The following INTS4 variants were observed in gnomAD, a reference collection of about 807,000 sequenced individuals.
INTS4 encodes the protein integrator complex subunit 4, also known as MSTP093.
Under a neutral mutation model 119.5 loss-of-function variants are expected in INTS4, and 70 were observed. The observed-to-expected ratio is 0.59, with a 90% CI of 0.48 to 0.71. The LOEUF (loss-of-function observed/expected upper bound fraction) is 0.71, where lower values mean the gene tolerates loss of function less well. Among genes scored for constraint, INTS4 ranks in the 30% least tolerant of loss-of-function variants. The pLI, the probability that INTS4 is intolerant of heterozygous loss-of-function variation, is 0.00. For synonymous variants in INTS4, 316 were observed against 419.6 expected, an observed-to-expected ratio of 0.75 and a Z score of 3.02; for missense variants, 867 against 1,173.2, an observed-to-expected ratio of 0.74 and a Z score of 3.81.
intron 4 of INTS4, among the ~76,000 whole-genome samples, chr11:77,966,945 T>G (rs887202076): frequency 2.0e-5 from 3 of 152,220 alleles, no homozygotes; most frequent in Non-Finnish European, 4.4e-5. Context: ...CCACAATGGC[T>G]GCACTATTTT....
intron 6 of INTS4, among the ~76,000 whole-genome samples, chr11:77,960,047 T>G (rs945116346): frequency 6.6e-6 from 1 of 152,152 alleles, no homozygotes; most frequent in Non-Finnish European, 1.5e-5. Context: ...TCAGAAAGAC[T>G]AACACGTTCC....
intron 1 of INTS4, among the ~76,000 whole-genome samples, chr11:77,992,549 A>G (rs185076054): frequency 3.3e-5 from 5 of 152,078 alleles, no homozygotes; most frequent in African/African-American, 1.2e-4. Flanking sequence ...AAAAAATAAT[A>G]ATAAAATAAA....
intron 10 of INTS4, among the ~76,000 whole-genome samples, chr11:77,937,112 T>C (rs1953814913): frequency 6.6e-6 from 1 of 151,706 alleles, no homozygotes; most frequent in South Asian, 2.1e-4. Flanking sequence ...GATGCAGAGG[T>C]TGCAGTGAGC....
At chr11:77,917,599 T>A (rs1354658544) in intron 15 of INTS4, among the ~76,000 whole-genome samples, 1 of 152,022 alleles carries the variant, frequency 6.6e-6, no homozygotes, top group African/African-American at 2.4e-5. Flanking sequence ...CATGAGCCAC[T>A]GCACCTGGCC....
At chr11:77,893,729 C>A (rs1952379478) in intron 19 of INTS4, among the ~76,000 whole-genome samples, 2 of 151,906 alleles carry the variant, frequency 1.3e-5, no homozygotes, top group Admixed American at 6.6e-5. Flanking sequence ...CCCGTCTCTA[C>A]TAAAAATACA....
intron 19 of INTS4, among the ~76,000 whole-genome samples, chr11:77,893,077 C>T (rs533545936): frequency 2.6e-5 from 4 of 152,212 alleles, no homozygotes; most frequent in Non-Finnish European, 4.4e-5. Context: ...ATGAAACAGA[C>T]TTCATCAGTG....
chr11:77,958,130 T>C (rs1032914936), intron 7 of INTS4, among the ~76,000 whole-genome samples: 1 of 152,076 alleles, frequency 6.6e-6, no homozygotes, highest in African/African-American at 2.4e-5. Context: ...ATTAATTCAT[T>C]CTGGTTTTCA....
At chr11:77,976,644 C>G (rs892745983) in intron 4 of INTS4, among the ~76,000 whole-genome samples, 2 of 152,010 alleles carry the variant, frequency 1.3e-5, no homozygotes, top group Non-Finnish European at 2.9e-5. Flanking sequence ...TATTGTGGCA[C>G]TATTCACAAT....
intron 4 of INTS4, among the ~76,000 whole-genome samples, chr11:77,969,106 G>A (rs959782076): frequency 5.9e-5 from 9 of 152,114 alleles, no homozygotes; most frequent in African/African-American, 2.2e-4. Flanking sequence ...GCTAATTTTT[G>A]TATTTTTAGT....
intron 14 of INTS4, among the ~76,000 whole-genome samples, chr11:77,920,268 C>CATATATATACATAT (rs1565244993): frequency 3.0e-5 from 3 of 99,928 alleles, no homozygotes; most frequent in African/African-American, 1.2e-4. Flanking sequence ...CATATATACA[C>CATATATATACATAT]ATATATATAC....
In INTS4 at chr11:77,947,122, AC is replaced by A. The variant is rs952377961; in HGVS notation, c.919-5872del. 1.7e-4 allele frequency among the ~76,000 whole-genome samples: 25 copies of A among 151,398 alleles called. No individual in the cohort carries two copies. The East Asian group carries it at 3.5e-3, about 21-fold the overall frequency. On this transcript the variant is annotated intron_variant, in intron 8 of 22. Transcript: ENST00000534064. ...AACCCATTAAGAGGAAAAAAAAAAA[AC>A]AAGTAAGAATAAAAAAGAAAGCCTT...
chr11:77,994,038 G>C (rs1385827521), intron 1 of INTS4, among the ~76,000 whole-genome samples: 1 of 152,068 alleles, frequency 6.6e-6, no homozygotes, highest in Non-Finnish European at 1.5e-5. Context: ...TCCTAGGTGA[G>C]CTGTTCTACC....
At chr11:77,899,499 C>T (rs964492788) in intron 18 of INTS4, among the ~76,000 whole-genome samples, 5 of 151,704 alleles carry the variant, frequency 3.3e-5, no homozygotes, top group Non-Finnish European at 5.9e-5. Flanking sequence ...TGGTGAAACC[C>T]GTCTCTACTG....
intron 10 of INTS4, among the ~76,000 whole-genome samples, chr11:77,937,627 C>T (rs1953828932): frequency 6.6e-6 from 1 of 151,946 alleles, no homozygotes; most frequent in South Asian, 2.1e-4. Context: ...GCTTCTGGTC[C>T]CAGCTACTCG....
rs1052068698 is a variant in INTS4 at position 77,945,632 on chromosome 11, C to T, written c.919-4381G>A. Among the ~76,000 whole-genome samples, 101 of 152,304 alleles carry T rather than the reference C, an allele frequency of 6.6e-4. 2 individuals carry two copies. The highest frequency in any genetic ancestry group is 2.3e-3 in the African/African-American group (96 of 41,562). Reference sequence around the variant, plus strand: ...AAGCCATCAAATAGACAGCTGGCAGCGCTTTACCCAACACCCCTGTTCCAT... The same window carrying T: ...AAGCCATCAAATAGACAGCTGGCAGTGCTTTACCCAACACCCCTGTTCCAT... On this transcript the variant is annotated intron_variant, in intron 8 of 22. Coordinates refer to ENST00000534064, the MANE Select transcript of INTS4 (RefSeq NM_033547.4).
chr11:77,955,727 C>T (rs1954303356), intron 8 of INTS4, among the ~76,000 whole-genome samples: 1 of 152,132 alleles, frequency 6.6e-6, no homozygotes, highest in Admixed American at 6.5e-5. Context: ...ATCTCCTGAC[C>T]TCGTGATCCG....
At chr11:77,911,871 A>G (rs1953094776) in intron 15 of INTS4, among the ~76,000 whole-genome samples, 2 of 152,254 alleles carry the variant, frequency 1.3e-5, no homozygotes, top group Non-Finnish European at 2.9e-5. Flanking sequence ...ACAGGAAACT[A>G]AAGATCAAAA....
intron 8 of INTS4, among the ~76,000 whole-genome samples, chr11:77,945,535 C>T (rs539281037): frequency 1.3e-5 from 2 of 152,214 alleles, no homozygotes; most frequent in South Asian, 2.1e-4. Flanking sequence ...AACAGAGTGA[C>T]GATGATCTCA....
At chr11:77,913,436 C>T (rs1953133315) in intron 15 of INTS4, among the ~76,000 whole-genome samples, 2 of 151,684 alleles carry the variant, frequency 1.3e-5, no homozygotes, top group African/African-American at 2.4e-5. Context: ...CTCAGCCTCC[C>T]GAGTAGCTGG....
Sources: allele counts gnomAD v4.1 joint callset (sites outside exome capture counted in the v4.1 genomes callset), GRCh38; gene constraint gnomAD v4.1.1; transcripts MANE v1.5; gene names NCBI Gene and HGNC (gene_info 2026-07-23, HGNC 2026-07-21).